Variants in CHCHD3 observed in about 807,000 individuals in gnomAD.
CHCHD3 encodes coiled-coil-helix-coiled-coil-helix domain containing 3.
CHCHD3 carries 20 observed loss-of-function variants against 38.2 expected under a neutral mutation model. The observed-to-expected ratio is 0.52, with a 90% CI of 0.37 to 0.76. CHCHD3 has a LOEUF of 0.76. Among genes scored for constraint, CHCHD3 ranks in the 30% least tolerant of loss-of-function variants. The pLI is 0.00. For missense variants in CHCHD3, 245 were observed against 279.2 expected, an observed-to-expected ratio of 0.88 and a Z score of 0.87; for synonymous variants, 82 against 100.0, an observed-to-expected ratio of 0.82 and a Z score of 1.07.
chr7:132,833,001 C>T (rs555542314), intron 6 of CHCHD3, among the ~76,000 whole-genome samples: 2 of 152,196 alleles, frequency 1.3e-5, no homozygotes, highest in African/African-American at 4.8e-5. Context: ...GAGATTTCTC[C>T]GATAGCACAT....
chr7:132,857,248 A>G (rs1353149800), intron 5 of CHCHD3, among the ~76,000 whole-genome samples: 1 of 152,082 alleles, frequency 6.6e-6, no homozygotes. Context: ...ATGAAACTGG[A>G]GCTAGAATCA....
rs77272226 is a variant in CHCHD3 at position 132,923,158 on chromosome 7, G to A, written c.370-37413C>T. Among the ~76,000 whole-genome samples the A allele has an allele frequency of 3.9e-3, 593 of 152,190 alleles. 3 individuals carry two copies. Among genetic ancestry groups the A allele is most frequent in the African/African-American group, 0.014 (570 of 41,512 alleles). ...GTCCCAACAATGTCACAATAAACTT[G>A]ACTGAAAATTCAAACCAAAATTGAT... On this transcript the variant is annotated intron_variant, in intron 4 of 7. Transcript: ENST00000262570.
chr7:132,895,590 T>C (rs578199354), intron 4 of CHCHD3, among the ~76,000 whole-genome samples: 13 of 152,220 alleles, frequency 8.5e-5, no homozygotes, highest in Non-Finnish European at 1.6e-4. Flanking sequence ...GGGAAGTAAC[T>C]GAATAATGGG....
At chr7:132,896,196 T>C (rs1809490726) in intron 4 of CHCHD3, among the ~76,000 whole-genome samples, 1 of 152,234 alleles carries the variant, frequency 6.6e-6, no homozygotes, top group Non-Finnish European at 1.5e-5. Context: ...ATAAAATATG[T>C]ACAAAAGCTC....
In CHCHD3 at chr7:132,801,180, A is replaced by G. The variant is rs185107862; in HGVS notation, c.525-4603T>C. 1.6e-4 allele frequency among the ~76,000 whole-genome samples: 24 copies of G among 152,318 alleles called. No individual in the cohort carries two copies. The East Asian group carries it at 3.9e-3, about 24-fold the overall frequency. The stretch of plus-strand genomic sequence containing the variant: ...TATAATTAATCTATCGTAAAATGCA[A>G]TATGAAGGAAGAAAATATTTATCTG... On this transcript the variant is annotated intron_variant, in intron 6 of 7. Transcript: ENST00000262570.
At chr7:133,049,559 T>A (rs1244790118) in intron 2 of CHCHD3, among the ~76,000 whole-genome samples, 1 of 152,242 alleles carries the variant, frequency 6.6e-6, no homozygotes, top group Non-Finnish European at 1.5e-5. Flanking sequence ...TAACCAATAA[T>A]GCTTGAGGGC....
intron 4 of CHCHD3, among the ~76,000 whole-genome samples, chr7:132,892,426 A>G (rs1809385094): frequency 6.6e-6 from 1 of 152,220 alleles, no homozygotes; most frequent in Non-Finnish European, 1.5e-5. Flanking sequence ...TTATGTTTAA[A>G]AGGGAAGCAG....
intron 4 of CHCHD3, chr7:132,974,085 T>A: frequency 2.5e-6 from 3 of 1,199,022 alleles, no homozygotes; most frequent in Non-Finnish European, 3.2e-6. Context: ...GGCAGAACAT[T>A]ATTCAGCCAT....
intron 4 of CHCHD3, among the ~76,000 whole-genome samples, chr7:132,893,051 G>A (rs1371196611): frequency 1.3e-5 from 2 of 152,216 alleles, no homozygotes; most frequent in Non-Finnish European, 2.9e-5. Context: ...GAGGGCCACT[G>A]TCCTCTAGAC....
chr7:133,016,610 G>T (rs1414001275), intron 3 of CHCHD3, among the ~76,000 whole-genome samples: 1 of 152,192 alleles, frequency 6.6e-6, no homozygotes, highest in African/African-American at 2.4e-5. Flanking sequence ...ATGTTTGGAA[G>T]TATTATAATC....
intron 4 of CHCHD3, among the ~76,000 whole-genome samples, chr7:132,923,735 C>A (rs1220409616): frequency 1.3e-5 from 2 of 152,116 alleles, no homozygotes; most frequent in South Asian, 2.1e-4. Context: ...TGAAGATAGA[C>A]CCCACCACCA....
chr7:132,981,295 G>T (rs1811913064), intron 3 of CHCHD3, among the ~76,000 whole-genome samples: 1 of 152,040 alleles, frequency 6.6e-6, no homozygotes, highest in South Asian at 2.1e-4. Context: ...ACAAGCACAA[G>T]TCACCACACC....
intron 2 of CHCHD3, among the ~76,000 whole-genome samples, chr7:133,051,619 T>G (rs1462391576): frequency 1.3e-5 from 2 of 152,188 alleles, no homozygotes; most frequent in African/African-American, 4.8e-5. Context: ...AAATTTTATA[T>G]ATTAGTTCTA....
At chr7:133,022,854 AAG>A (rs1402065054) in intron 3 of CHCHD3, among the ~76,000 whole-genome samples, 2 of 131,462 alleles carry the variant, frequency 1.5e-5, no homozygotes, top group African/African-American at 2.8e-5. Flanking sequence ...AATGAAGAAG[AAG>A]AAAAAAAAAA....
intron 6 of CHCHD3, among the ~76,000 whole-genome samples, chr7:132,816,328 A>C (rs1162867251): frequency 6.6e-6 from 1 of 152,158 alleles, no homozygotes; most frequent in Non-Finnish European, 1.5e-5. Context: ...GTTGGCCTCT[A>C]TTAATGTTTG....
At chr7:132,792,893 G>T (rs918542214) in intron 7 of CHCHD3, among the ~76,000 whole-genome samples, 1 of 152,180 alleles carries the variant, frequency 6.6e-6, no homozygotes, top group Admixed American at 6.5e-5. Flanking sequence ...CAGCAGGGCT[G>T]GGAAAAAGCT....
chr7:132,876,607 AT>A (rs1269492676), intron 5 of CHCHD3, among the ~76,000 whole-genome samples: 4 of 152,340 alleles, frequency 2.6e-5, no homozygotes, highest in African/African-American at 9.6e-5. Flanking sequence ...CTCAGCACTT[AT>A]GATCATTACA....
At chr7:133,061,663 T>C (rs1373813538) in intron 2 of CHCHD3, among the ~76,000 whole-genome samples, 3 of 152,172 alleles carry the variant, frequency 2.0e-5, no homozygotes, top group African/African-American at 7.2e-5. Context: ...TGTATCTTTA[T>C]AGTAATGTGA....
At chr7:133,028,283 A>T (rs762838247) in intron 2 of CHCHD3, among the ~76,000 whole-genome samples, 84 of 152,354 alleles carry the variant, frequency 5.5e-4, no homozygotes, top group Non-Finnish European at 8.1e-4. Context: ...ATTCAATTTA[A>T]TTTAATTCAA....
Sources: gnomAD v4.1 joint callset for allele counts (sites outside exome capture counted in the v4.1 genomes callset) on GRCh38, gnomAD v4.1.1 for gene constraint, MANE v1.5 for transcripts, NCBI Gene and HGNC (gene_info 2026-07-23, HGNC 2026-07-21) for gene names.